The following ATP6V1H variants were observed in gnomAD, a reference collection of about 807,000 sequenced individuals.
ATP6V1H encodes the protein V-type proton ATPase subunit H.
Under a neutral mutation model 71.7 loss-of-function variants are expected in ATP6V1H, and 39 were observed. The observed-to-expected ratio is 0.54, with a 90% CI of 0.42 to 0.71. The LOEUF (loss-of-function observed/expected upper bound fraction) is 0.71, where lower values mean the gene tolerates loss of function less well. Among genes scored for constraint, ATP6V1H ranks in the 30% least tolerant of loss-of-function variants. The probability of loss-of-function intolerance (pLI) is 0.00; values close to 1 mark genes in which losing one functional copy is unlikely to be tolerated. For missense variants in ATP6V1H, 509 were observed against 594.9 expected (o/e 0.86, Z 1.50); for synonymous variants, 192 against 199.3 (o/e 0.96, Z 0.31).
chr8:53,741,378 A>G (rs1807408331), intron 13 of ATP6V1H, among the ~76,000 whole-genome samples: 1 of 152,216 alleles, frequency 6.6e-6, no homozygotes, highest in South Asian at 2.1e-4. Flanking sequence ...CACTAACCCA[A>G]CAAGAAAGAC....
At chr8:53,780,413 T>G (rs1809066278) in intron 9 of ATP6V1H, among the ~76,000 whole-genome samples, 1 of 152,114 alleles carries the variant, frequency 6.6e-6, no homozygotes, top group Admixed American at 6.5e-5. Context: ...CATCTTGCTA[T>G]AAAAAATGAA....
chr8:53,787,820 A>G (rs1809433318), intron 9 of ATP6V1H, among the ~76,000 whole-genome samples: 1 of 152,204 alleles, frequency 6.6e-6, no homozygotes, highest in African/African-American at 2.4e-5. Context: ...TGCACTATGA[A>G]TAAGTGAGAT....
intron 13 of ATP6V1H, among the ~76,000 whole-genome samples, chr8:53,718,582 G>A (rs996396780): frequency 3.3e-5 from 5 of 151,992 alleles, no homozygotes; most frequent in Admixed American, 6.6e-5. Flanking sequence ...TACAGACAGG[G>A]TTTCGTCATG....
At chr8:53,740,991 G>A (rs1807391593) in intron 13 of ATP6V1H, among the ~76,000 whole-genome samples, 2 of 152,044 alleles carry the variant, frequency 1.3e-5, no homozygotes, top group South Asian at 2.1e-4. Flanking sequence ...AAAATACTAA[G>A]CTTCTCCATT....
At chr8:53,770,879 T>C (rs1421317646) in intron 10 of ATP6V1H, among the ~76,000 whole-genome samples, 5 of 152,226 alleles carry the variant, frequency 3.3e-5, no homozygotes, top group African/African-American at 9.6e-5. Flanking sequence ...AGCCTATTCC[T>C]GGCCTGCCTA....
intron 3 of ATP6V1H, 177 bp downstream of exon 3, chr8:53,832,807 C>T: frequency 1.2e-5 from 5 of 418,314 alleles, no homozygotes; most frequent in Non-Finnish European, 2.1e-5. Context: ...ATTTGTCTTC[C>T]AGGTGTATAT....
At chr8:53,752,786 G>A (rs540022986) in intron 12 of ATP6V1H, among the ~76,000 whole-genome samples, 6 of 152,202 alleles carry the variant, frequency 3.9e-5, no homozygotes, top group South Asian at 4.1e-4. Context: ...TCTTGACCTC[G>A]TGATCTGCCC....
chr8:53,776,353 A>G (rs1424219155), intron 9 of ATP6V1H, among the ~76,000 whole-genome samples: 2 of 152,210 alleles, frequency 1.3e-5, no homozygotes, highest in African/African-American at 4.8e-5. Context: ...CCCACAGTGC[A>G]GCGGTGGGCT....
intron 12 of ATP6V1H, among the ~76,000 whole-genome samples, chr8:53,754,426 A>G (rs941158277): frequency 3.3e-5 from 5 of 151,948 alleles, no homozygotes; most frequent in Non-Finnish European, 7.4e-5. Flanking sequence ...TACCTACAAG[A>G]CTCCAAGCAC....
At chr8:53,795,541 A>G in intron 9 of ATP6V1H, 106 bp downstream of exon 9, 2 of 1,011,532 alleles carry the variant, frequency 2.0e-6, no homozygotes, top group East Asian at 2.4e-5. Flanking sequence ...CTATGGTTTC[A>G]TAACCACAAG....
At chr8:53,781,323 G>A (rs1809119845) in intron 9 of ATP6V1H, among the ~76,000 whole-genome samples, 1 of 152,146 alleles carries the variant, frequency 6.6e-6, no homozygotes, top group South Asian at 2.1e-4. Context: ...GTGTTTTATG[G>A]CTGCATAAAT....
chr8:53,752,651 A>C (rs1807838963), intron 12 of ATP6V1H, among the ~76,000 whole-genome samples: 1 of 152,146 alleles, frequency 6.6e-6, no homozygotes, highest in Non-Finnish European at 1.5e-5. Context: ...CCTGGGTTCA[A>C]GCGATTATCC....
intron 2 of ATP6V1H, among the ~76,000 whole-genome samples, 172 bp downstream of exon 2, chr8:53,841,406 T>C (rs887396191): frequency 4.6e-5 from 7 of 152,206 alleles, no homozygotes; most frequent in African/African-American, 7.2e-5. Flanking sequence ...CGCCAAGCTG[T>C]TTCCACCCCA....
intron 13 of ATP6V1H, among the ~76,000 whole-genome samples, chr8:53,723,353 C>G (rs1229166150): frequency 6.6e-6 from 1 of 152,124 alleles, no homozygotes; most frequent in African/African-American, 2.4e-5. Context: ...ACCCCTGATC[C>G]CACCTCTCAC....
intron 9 of ATP6V1H, among the ~76,000 whole-genome samples, chr8:53,791,456 C>A (rs1809562589): frequency 6.6e-6 from 1 of 152,174 alleles, no homozygotes; most frequent in South Asian, 2.1e-4. Flanking sequence ...AAGTAAACAG[C>A]CACAAATCCC....
At chr8:53,792,942 C>A (rs1300271173) in intron 9 of ATP6V1H, among the ~76,000 whole-genome samples, 1 of 152,122 alleles carries the variant, frequency 6.6e-6, no homozygotes, top group African/African-American at 2.4e-5. Context: ...GTCCTAGTGA[C>A]CACTAAATGG....
intron 7 of ATP6V1H, among the ~76,000 whole-genome samples, chr8:53,805,334 TA>T (rs1487414618): frequency 6.6e-6 from 1 of 152,190 alleles, no homozygotes; most frequent in African/African-American, 2.4e-5. Flanking sequence ...TACAATTGAC[TA>T]AAATAAGTCC....
Position 53,811,167 on chromosome 8 carries a change from A to G in ATP6V1H, c.576T>C (p.Ser192=). ...VAVETGTVSS[S]DSSQYVQCVA... ...GCCAGTGAAGGAATATACTTACATCACTTGAAGAGACTGTTCCTGTTTCAA... is the reference window on the plus strand; with the variant it reads ...GCCAGTGAAGGAATATACTTACATCGCTTGAAGAGACTGTTCCTGTTTCAA... The change falls in exon 7 of 14, where the codon AGT becomes AGC. Residue 192 remains serine (S), a synonymous_variant. Transcript: ENST00000359530. 6.2e-7 allele frequency: 1 copy of G among 1,612,970 alleles called. No individual in the cohort carries two copies. The highest frequency in any genetic ancestry group is 8.5e-7 in the Non-Finnish European group (1 of 1,179,146).
intron 2 of ATP6V1H, among the ~76,000 whole-genome samples, chr8:53,835,356 T>C (rs1245067142): frequency 1.3e-5 from 2 of 152,146 alleles, no homozygotes; most frequent in South Asian, 2.1e-4. Context: ...CCAGGACAGC[T>C]TTCCCTGAGC....
Sources: allele counts gnomAD v4.1 joint callset (sites outside exome capture counted in the v4.1 genomes callset), GRCh38; gene constraint gnomAD v4.1.1; transcripts MANE v1.5; gene names NCBI Gene and HGNC (gene_info 2026-07-23, HGNC 2026-07-21).